The following CFAP47 variants were observed in gnomAD, a reference collection of about 807,000 sequenced individuals.
CFAP47 encodes the protein cilia- and flagella-associated protein 47.
In CFAP47, 29 loss-of-function variants were observed where a neutral mutation model predicts 148.1. That is an observed-to-expected ratio of 0.20 (90% CI 0.15 to 0.27). The LOEUF (loss-of-function observed/expected upper bound fraction) is 0.27, where lower values mean the gene tolerates loss of function less well. CFAP47 is among the 10% of genes least tolerant of loss of function. The pLI, the probability that CFAP47 is intolerant of heterozygous loss-of-function variation, is 1.00. For missense variants in CFAP47, 1,872 were observed against 1,697.5 expected (o/e 1.10, Z -1.81); for synonymous variants, 664 against 577.3 (o/e 1.15, Z -2.15).
At chrX:36,014,746 C>G (rs1937078519) in intron 21 of CFAP47, 28 bp from the exon 22 acceptor site, 1 of 289,041 alleles carries the variant, frequency 3.5e-6, no homozygotes, top group Non-Finnish European at 6.1e-6. Context: ...CAAAAATTAA[C>G]AAGTATAATG....
intron 30 of CFAP47, among the ~76,000 whole-genome samples, chrX:36,086,109 C>G (rs6632476): frequency 1.8e-4 from 20 of 110,952 alleles, no homozygotes; most frequent in African/African-American, 6.6e-4. Context: ...AGTAGGAAGG[C>G]GAAAGGAATT....
intron 26 of CFAP47, among the ~76,000 whole-genome samples, chrX:36,053,428 A>G (rs1249591215): frequency 1.1e-4 from 12 of 111,727 alleles, no homozygotes; most frequent in South Asian, 3.7e-4. Context: ...TATTACCTCA[A>G]AACATTATTT....
chrX:35,924,598 C>A (rs1458847670), intron 1 of CFAP47, among the ~76,000 whole-genome samples: 2 of 107,103 alleles, frequency 1.9e-5, no homozygotes, highest in Non-Finnish European at 1.9e-5. Flanking sequence ...TACACACGTG[C>A]ATGTGGGTAT....
chrX:36,234,837 A>C (rs1940431312), intron 46 of CFAP47, among the ~76,000 whole-genome samples: 1 of 111,999 alleles, frequency 8.9e-6, no homozygotes, highest in Non-Finnish European at 1.9e-5. Flanking sequence ...TCTAAGAGAC[A>C]GGAGCCTCAG....
At chrX:35,932,745 A>G (rs113643493) in intron 2 of CFAP47, among the ~76,000 whole-genome samples, 4,200 of 108,906 alleles carry the variant, frequency 0.039, 208 homozygotes, top group African/African-American at 0.13. Flanking sequence ...TCCTGCCCCA[A>G]CCTCCTGAGT....
chrX:36,231,655 T>C (rs1555992722), intron 46 of CFAP47, among the ~76,000 whole-genome samples: 1 of 111,133 alleles, frequency 9.0e-6, no homozygotes, highest in African/African-American at 3.3e-5. Flanking sequence ...CTATGTTGAA[T>C]AGGAGTGGTG....
At chrX:36,229,844 A>G (rs1288507274) in intron 46 of CFAP47, among the ~76,000 whole-genome samples, 10 of 93,368 alleles carry the variant, frequency 1.1e-4, no homozygotes, top group African/African-American at 4.0e-4. Flanking sequence ...CCCACCTATG[A>G]GTGAGAATAT....
chrX:36,141,235 C>T (rs1050660614), intron 35 of CFAP47, among the ~76,000 whole-genome samples: 2 of 110,150 alleles, frequency 1.8e-5, no homozygotes, highest in African/African-American at 6.6e-5. Context: ...TCGCTCAGTC[C>T]AGAAGCCTCA....
intron 26 of CFAP47, among the ~76,000 whole-genome samples, chrX:36,053,342 A>G (rs756118547): frequency 9.0e-6 from 1 of 111,602 alleles, no homozygotes; most frequent in Non-Finnish European, 1.9e-5. Flanking sequence ...AAATTTTAGC[A>G]TCATGGCAAC....
intron 14 of CFAP47, 79 bp from the exon 15 acceptor site, chrX:35,975,592 GT>G: frequency 9.9e-7 from 1 of 1,012,599 alleles, no homozygotes; most frequent in Non-Finnish European, 1.4e-6. Context: ...TCAATGCTAT[GT>G]GCATTTTACG....
At chrX:36,148,903 G>A (rs1411008202) in intron 36 of CFAP47, among the ~76,000 whole-genome samples, 1 of 100,281 alleles carries the variant, frequency 1.0e-5, no homozygotes, top group East Asian at 3.1e-4. Context: ...CTGTATGTAT[G>A]TGTGTGTGTG....
chrX:36,328,816 C>CAAAAA (rs782618340), intron 57 of CFAP47, among the ~76,000 whole-genome samples: 9 of 56,360 alleles, frequency 1.6e-4, no homozygotes, highest in African/African-American at 2.8e-4. Context: ...GACTCTGTCT[C>CAAAAA]AAAAAAAAAA....
chrX:35,967,932 C>CAAT (rs112359946), intron 10 of CFAP47, 100 bp downstream of exon 10: 11,721 of 284,250 alleles, frequency 0.041, 1,163 homozygotes, highest in African/African-American at 0.29. Context: ...CTAATGATTA[C>CAAT]AATAATAATA....
At chrX:35,952,241 G>A (rs1009738658) in intron 6 of CFAP47, among the ~76,000 whole-genome samples, 9 of 111,582 alleles carry the variant, frequency 8.1e-5, no homozygotes, top group Non-Finnish European at 1.7e-4. Flanking sequence ...TTGGAGTGTG[G>A]CCCCAAATTG....
At chrX:36,379,585 G>A (rs1942058994) in intron 63 of CFAP47, 67 bp downstream of exon 63, 2 of 897,522 alleles carry the variant, frequency 2.2e-6, no homozygotes, top group Admixed American at 2.8e-5. Context: ...AAACTAGCAA[G>A]AAAAGGTTTT....
rs970400894 is a variant in CFAP47, at chrX:35,963,014, C to T, written c.1411-3551C>T. Among the ~76,000 whole-genome samples, 7 of 104,217 alleles carry T rather than the reference C, an allele frequency of 6.7e-5. No individual in the cohort carries two copies. In the Admixed American group the frequency reaches 7.4e-4, roughly 11 times the overall value. The allele number at this position is 104,217 out of a possible 115,157, so 90.5% of individuals were successfully genotyped here. A position where few individuals can be genotyped will look rare whatever the true frequency, so the allele number is the denominator to read the frequency against. ...TACAGCCTTAAAAAAATAAGGAAAT[C>T]TTGTCATTTGCGAAACATGGATGAA... On this transcript the variant is annotated intron_variant, in intron 8 of 63. Transcript: ENST00000378653.
intron 3 of CFAP47, among the ~76,000 whole-genome samples, chrX:35,946,696 A>G (rs773774789): frequency 8.9e-6 from 1 of 112,189 alleles, no homozygotes; most frequent in African/African-American, 3.2e-5. Flanking sequence ...TTAAATGAAT[A>G]CATTTGGAAA....
chrX:36,113,847 T>C (rs971441780), intron 33 of CFAP47, among the ~76,000 whole-genome samples: 1 of 107,070 alleles, frequency 9.3e-6, no homozygotes, highest in Non-Finnish European at 1.9e-5. Context: ...TCTCGCTCTG[T>C]CGCCCAGGCT....
At chrX:36,352,861 C>T (rs1195176303) in intron 59 of CFAP47, among the ~76,000 whole-genome samples, 4 of 108,895 alleles carry the variant, frequency 3.7e-5, no homozygotes, top group Non-Finnish European at 7.6e-5. Flanking sequence ...ATATTTAATT[C>T]TGTACATTAA....
Sources: gnomAD v4.1 joint callset for allele counts (sites outside exome capture counted in the v4.1 genomes callset) on GRCh38, gnomAD v4.1.1 for gene constraint, MANE v1.5 for transcripts, NCBI Gene and HGNC (gene_info 2026-07-23, HGNC 2026-07-21) for gene names.